The following ARHGAP24 variants were observed in gnomAD, a reference collection of about 807,000 sequenced individuals.
The protein encoded by ARHGAP24 is Rho GTPase activating protein 24, also known as rho GTPase-activating protein 24.
ARHGAP24 carries 50 observed loss-of-function variants against 76.4 expected under a neutral mutation model. The ratio of observed to expected loss-of-function variants is 0.65; its 90% CI spans 0.52 to 0.83. The LOEUF is 0.83. Among genes scored for constraint, ARHGAP24 ranks in the 40% least tolerant of loss-of-function variants. The pLI is 0.00. For missense variants in ARHGAP24, 930 were observed against 914.2 expected, an observed-to-expected ratio of 1.02 and a Z score of -0.22; for synonymous variants, 345 against 323.3, an observed-to-expected ratio of 1.07 and a Z score of -0.72.
intron 2 of ARHGAP24, among the ~76,000 whole-genome samples, chr4:85,614,388 T>G (rs1720483834): frequency 6.6e-6 from 1 of 152,018 alleles, no homozygotes; most frequent in Non-Finnish European, 1.5e-5. Context: ...TAATAAATAT[T>G]TATATATATT....
intron 3 of ARHGAP24, among the ~76,000 whole-genome samples, chr4:85,901,681 C>G (rs893122028): frequency 2.0e-5 from 3 of 152,126 alleles, no homozygotes; most frequent in East Asian, 1.9e-4. Context: ...TATTGTAATA[C>G]TTATACTCCA....
intron 2 of ARHGAP24, among the ~76,000 whole-genome samples, chr4:85,666,624 G>T (rs1326565834): frequency 3.3e-5 from 5 of 152,102 alleles, no homozygotes; most frequent in East Asian, 1.9e-4. Flanking sequence ...ATCTTTGTGG[G>T]TTTATCTACT....
chr4:85,536,828 C>G (rs1373405628), intron 1 of ARHGAP24, among the ~76,000 whole-genome samples: 1 of 151,956 alleles, frequency 6.6e-6, no homozygotes, highest in African/African-American at 2.4e-5. Flanking sequence ...AAGAATGGTA[C>G]CTTTGTGTAT....
At chr4:85,830,542 T>C (rs1032545555) in intron 3 of ARHGAP24, among the ~76,000 whole-genome samples, 4 of 152,234 alleles carry the variant, frequency 2.6e-5, no homozygotes, top group South Asian at 2.1e-4. Context: ...TTTTAGCTTA[T>C]GGGATTGGCT....
intron 5 of ARHGAP24, among the ~76,000 whole-genome samples, chr4:85,957,880 A>C (rs1738014976): frequency 6.6e-6 from 1 of 151,940 alleles, no homozygotes; most frequent in African/African-American, 2.4e-5. Context: ...ATGTTGCATC[A>C]TGTTTTACTC....
chr4:85,667,818 A>T (rs1253171796), intron 2 of ARHGAP24, among the ~76,000 whole-genome samples: 1 of 152,150 alleles, frequency 6.6e-6, no homozygotes, highest in African/African-American at 2.4e-5. Context: ...TAAATTACCC[A>T]CCGACTTGTC....
At chr4:85,947,263 T>C (rs1394054028) in intron 5 of ARHGAP24, among the ~76,000 whole-genome samples, 3 of 152,208 alleles carry the variant, frequency 2.0e-5, no homozygotes, top group Non-Finnish European at 4.4e-5. Flanking sequence ...TTGTGAATAT[T>C]TTATCCCTTT....
At chr4:85,582,346 TA>T (rs1324305583) in intron 2 of ARHGAP24, among the ~76,000 whole-genome samples, 1 of 152,146 alleles carries the variant, frequency 6.6e-6, no homozygotes, top group African/African-American at 2.4e-5. Flanking sequence ...AATGACTCTT[TA>T]AAGAATCATC....
At chr4:85,569,195 TA>T (rs1450172029) in intron 1 of ARHGAP24, among the ~76,000 whole-genome samples, 1 of 152,186 alleles carries the variant, frequency 6.6e-6, no homozygotes, top group African/African-American at 2.4e-5. Flanking sequence ...TCAGAAATGA[TA>T]AAACAGGGAC....
chr4:85,675,977 A>G (rs542204620), intron 2 of ARHGAP24, among the ~76,000 whole-genome samples: 1 of 152,298 alleles, frequency 6.6e-6, no homozygotes, highest in East Asian at 1.9e-4. Flanking sequence ...ACTGTCTCCC[A>G]CTGTGAGGTA....
intron 3 of ARHGAP24, among the ~76,000 whole-genome samples, chr4:85,839,254 C>T (rs1370236487): frequency 1.3e-5 from 2 of 152,148 alleles, no homozygotes; most frequent in Admixed American, 1.3e-4. Context: ...CTCCAAAGTA[C>T]GTTTCTGAAA....
At chr4:85,603,055 A>G (rs1378595618) in intron 2 of ARHGAP24, among the ~76,000 whole-genome samples, 1 of 152,220 alleles carries the variant, frequency 6.6e-6, no homozygotes, top group Non-Finnish European at 1.5e-5. Context: ...GTACCAGCCA[A>G]TTTATTTTGT....
At chr4:85,742,504 A>C (rs1725863182) in intron 3 of ARHGAP24, among the ~76,000 whole-genome samples, 1 of 152,226 alleles carries the variant, frequency 6.6e-6, no homozygotes, top group African/African-American at 2.4e-5. Flanking sequence ...AAAGGTGAAA[A>C]GTGTGTGTAC....
chr4:85,733,415 A>C (rs1025126836), intron 3 of ARHGAP24, among the ~76,000 whole-genome samples: 3 of 152,086 alleles, frequency 2.0e-5, no homozygotes, highest in African/African-American at 7.2e-5. Context: ...ATGAAGGGGC[A>C]CTGGTTTAAG....
At chr4:85,612,792 C>CT (rs70948739) in intron 2 of ARHGAP24, among the ~76,000 whole-genome samples, 1,690 of 82,706 alleles carry the variant, frequency 0.02, 111 homozygotes, top group African/African-American at 0.066. Flanking sequence ...CTTTCCATTC[C>CT]TTTTTTTTTT....
At chr4:85,539,457 ATGT>A (rs1228720986) in intron 1 of ARHGAP24, among the ~76,000 whole-genome samples, 5 of 152,142 alleles carry the variant, frequency 3.3e-5, no homozygotes, top group Non-Finnish European at 5.9e-5. Flanking sequence ...ACACATTAAA[ATGT>A]TGTTTGAAGA....
chr4:85,944,416 GTTGT>G (rs1737128775), intron 5 of ARHGAP24, among the ~76,000 whole-genome samples: 1 of 152,246 alleles, frequency 6.6e-6, no homozygotes, highest in African/African-American at 2.4e-5. Flanking sequence ...TTTTGATGTG[GTTGT>G]TTGTTTCTTG....
intron 3 of ARHGAP24, among the ~76,000 whole-genome samples, chr4:85,916,666 G>C (rs549660518): frequency 2.6e-4 from 39 of 152,182 alleles, no homozygotes; most frequent in Middle Eastern, 6.8e-3. Flanking sequence ...ATTTGCAGTT[G>C]GGAATGAGGA....
intron 5 of ARHGAP24, among the ~76,000 whole-genome samples, chr4:85,959,064 GTA>G: frequency 6.6e-6 from 1 of 152,196 alleles, no homozygotes; most frequent in East Asian, 1.9e-4. Context: ...TATTAGGAAA[GTA>G]ATGGAATAAA....
Sources: allele counts gnomAD v4.1 joint callset (sites outside exome capture counted in the v4.1 genomes callset), GRCh38; gene constraint gnomAD v4.1.1; transcripts MANE v1.5; gene names NCBI Gene and HGNC (gene_info 2026-07-23, HGNC 2026-07-21).